Variants in NLGN1 observed in about 807,000 individuals in gnomAD.
NLGN1 encodes the protein neuroligin 1, also known as neuroligin-1.
A neutral mutation model predicts 65.5 loss-of-function variants in NLGN1; 12 were observed. The observed-to-expected ratio is 0.18, with a 90% confidence interval of 0.12 to 0.30. The LOEUF is 0.30. Among genes scored for constraint, NLGN1 ranks in the 10% least tolerant of loss-of-function variants. The probability of loss-of-function intolerance (pLI) is 1.00; values close to 1 mark genes in which losing one functional copy is unlikely to be tolerated. For missense variants in NLGN1, 750 were observed against 1,007.1 expected, an observed-to-expected ratio of 0.74 and a Z score of 3.46; for synonymous variants, 350 against 359.5, an observed-to-expected ratio of 0.97 and a Z score of 0.30.
intron 4 of NLGN1, among the ~76,000 whole-genome samples, chr3:173,933,883 T>G (rs1744576831): frequency 6.6e-6 from 1 of 152,050 alleles, no homozygotes; most frequent in African/African-American, 2.4e-5. Context: ...GTAATTTTTT[T>G]CTTAAGATAT....
At chr3:173,819,878 T>A (rs982968218) in intron 4 of NLGN1, among the ~76,000 whole-genome samples, 8 of 152,220 alleles carry the variant, frequency 5.3e-5, no homozygotes. Flanking sequence ...TTTCTAGGAA[T>A]ACAGAGCAGG....
chr3:174,227,809 G>A (rs539049135), intron 4 of NLGN1, among the ~76,000 whole-genome samples: 1 of 152,144 alleles, frequency 6.6e-6, no homozygotes, highest in South Asian at 2.1e-4. Flanking sequence ...TACAAATAAT[G>A]AAGAAAGAAG....
intron 3 of NLGN1, among the ~76,000 whole-genome samples, chr3:173,678,767 T>C (rs4894624): frequency 0.028 from 4,294 of 152,110 alleles, 90 homozygotes; most frequent in Middle Eastern, 0.044. Flanking sequence ...GAAAATAGAT[T>C]TTAAAAACTG....
chr3:174,272,729 A>G (rs1258691622), intron 4 of NLGN1, among the ~76,000 whole-genome samples: 6 of 151,754 alleles, frequency 4.0e-5, no homozygotes, highest in African/African-American at 1.4e-4. Context: ...AGAAAGATAG[A>G]TAGATGATAG....
intron 3 of NLGN1, among the ~76,000 whole-genome samples, chr3:173,701,455 A>G (rs1440031511): frequency 2.6e-5 from 4 of 152,172 alleles, no homozygotes; most frequent in Admixed American, 6.5e-5. Context: ...TCTAGATGCC[A>G]CAAATGATAA....
chr3:174,155,007 TATTGATATA>T (rs1725169996), intron 4 of NLGN1, among the ~76,000 whole-genome samples: 4 of 139,240 alleles, frequency 2.9e-5, no homozygotes, highest in Admixed American at 7.4e-5. Context: ...TATATTTATA[TATTGATATA>T]AATATATAAA....
chr3:173,584,795 G>GGT (rs397822081), intron 2 of NLGN1: 1 of 149,736 alleles, frequency 6.7e-6, no homozygotes, highest in African/African-American at 2.5e-5. Context: ...GGAGGGGGGG[G>GGT]TGCAAAACTG....
At chr3:174,146,724 C>T (rs530904163) in intron 4 of NLGN1, among the ~76,000 whole-genome samples, 19 of 151,924 alleles carry the variant, frequency 1.3e-4, no homozygotes, top group African/African-American at 4.1e-4. Context: ...CCCGCCACTG[C>T]GCCGGGCTAA....
intron 2 of NLGN1, among the ~76,000 whole-genome samples, chr3:173,529,640 C>T (rs1736215939): frequency 1.3e-5 from 2 of 152,144 alleles, no homozygotes; most frequent in African/African-American, 4.8e-5. Flanking sequence ...TATCTCTAGG[C>T]CACAGTGCAG....
intron 4 of NLGN1, among the ~76,000 whole-genome samples, chr3:173,814,948 T>C (rs1472887720): frequency 3.9e-5 from 6 of 152,160 alleles, no homozygotes; most frequent in African/African-American, 1.4e-4. Flanking sequence ...GCAGTTTCCC[T>C]GAGGAGGTAA....
chr3:173,544,121 C>T (rs1055060661), intron 2 of NLGN1, among the ~76,000 whole-genome samples: 6 of 151,634 alleles, frequency 4.0e-5, no homozygotes, highest in South Asian at 2.1e-4. Context: ...TGTTGAATTG[C>T]GGGTAATAGT....
At chr3:173,783,975 A>G (rs60799218) in intron 3 of NLGN1, among the ~76,000 whole-genome samples, 11 of 152,306 alleles carry the variant, frequency 7.2e-5, no homozygotes, top group African/African-American at 2.6e-4. Flanking sequence ...TGCTTAAAAT[A>G]ATCTGTGTAA....
At chr3:173,447,374 TAG>T (rs1720563137) in intron 2 of NLGN1, among the ~76,000 whole-genome samples, 1 of 152,176 alleles carries the variant, frequency 6.6e-6, no homozygotes, top group East Asian at 1.9e-4. Context: ...CAGGTAGTTG[TAG>T]ATACATGGCA....
intron 2 of NLGN1, among the ~76,000 whole-genome samples, chr3:173,443,746 A>G (rs1311601032): frequency 5.9e-5 from 9 of 152,220 alleles, no homozygotes; most frequent in Admixed American, 5.9e-4. Flanking sequence ...TTTTCTTAGT[A>G]GAAAGACTAT....
chr3:173,415,943 A>AGAGAGAGAGCGAGCGAGC (rs141095727), intron 1 of NLGN1, among the ~76,000 whole-genome samples: 14 of 142,884 alleles, frequency 9.8e-5, no homozygotes, highest in South Asian at 9.1e-4. Flanking sequence ...AGAGAGAGAG[A>AGAGAGAGAGCGAGCGAGC]GCTTGGTATA....
intron 4 of NLGN1, among the ~76,000 whole-genome samples, chr3:174,234,106 C>T (rs927240696): frequency 6.6e-6 from 1 of 152,024 alleles, no homozygotes; most frequent in African/African-American, 2.4e-5. Context: ...CTTGCTTCCT[C>T]AGAAGAAAGA....
At chr3:173,539,296 T>C (rs561323699) in intron 2 of NLGN1, among the ~76,000 whole-genome samples, 2 of 150,768 alleles carry the variant, frequency 1.3e-5, no homozygotes, top group African/African-American at 2.4e-5. Context: ...GTAGCAAGAG[T>C]GGGGATATGT....
intron 4 of NLGN1, among the ~76,000 whole-genome samples, chr3:174,051,980 CCCCTCT>C (rs940248190): frequency 1.4e-5 from 2 of 145,284 alleles, no homozygotes; most frequent in Non-Finnish European, 3.0e-5. Context: ...AATAAAGAAC[CCCCTCT>C]CCTCTCTGTG....
At chr3:173,606,928 C>G (rs1184386817) in intron 3 of NLGN1, among the ~76,000 whole-genome samples, 1 of 151,874 alleles carries the variant, frequency 6.6e-6, no homozygotes, top group Non-Finnish European at 1.5e-5. Flanking sequence ...TACAATACTG[C>G]AGTAGTTATT....
Sources: gnomAD v4.1 joint callset for allele counts (sites outside exome capture counted in the v4.1 genomes callset) on GRCh38, gnomAD v4.1.1 for gene constraint, MANE v1.5 for transcripts, NCBI Gene and HGNC (gene_info 2026-07-23, HGNC 2026-07-21) for gene names.